The following PCDH9 variants were observed in gnomAD, a reference collection of about 807,000 sequenced individuals.
PCDH9 encodes protocadherin 9.
Under a neutral mutation model 70.6 loss-of-function variants are expected in PCDH9, and 24 were observed. The ratio of observed to expected loss-of-function variants is 0.34; its 90% CI spans 0.25 to 0.48. The LOEUF (loss-of-function observed/expected upper bound fraction) is 0.48. Ranked by LOEUF, PCDH9 falls within the 20% of genes least tolerant of loss-of-function variation. The pLI is 0.99. For synonymous variants in PCDH9, 562 were observed against 558.5 expected, an observed-to-expected ratio of 1.01 and a Z score of -0.09; for missense variants, 1,281 against 1,503.6, an observed-to-expected ratio of 0.85 and a Z score of 2.45.
At chr13:66,380,962 G>A (rs530879522) in intron 4 of PCDH9, among the ~76,000 whole-genome samples, 4 of 152,096 alleles carry the variant, frequency 2.6e-5, no homozygotes, top group South Asian at 2.1e-4. Flanking sequence ...AGTAATACGC[G>A]TGTCAACTTT....
chr13:66,532,932 C>A (rs1960531972), intron 4 of PCDH9, among the ~76,000 whole-genome samples: 2 of 152,056 alleles, frequency 1.3e-5, no homozygotes, highest in South Asian at 4.2e-4. Flanking sequence ...AATGGCTTAA[C>A]CAAGGGTGAG....
chr13:66,494,462 T>C lies in PCDH9; in HGVS notation c.3340+136748A>G, dbSNP rs1019695510. 1.4e-4 allele frequency among the ~76,000 whole-genome samples: 22 copies of C among 152,238 alleles called. 1 individual carries two copies. The East Asian group carries it at 3.5e-3, about 24-fold the overall frequency. On this transcript the variant is annotated intron_variant, in intron 4 of 4. Transcript: ENST00000377865. ...ATTTTGTAAATAAATCATTAAATGA[T>C]TGAAATAGCTGTCTGAAATTTGCCA...
At chr13:66,717,480 A>AAAATATAT (rs1566145314) in intron 3 of PCDH9, among the ~76,000 whole-genome samples, 3 of 44,432 alleles carry the variant, frequency 6.8e-5, no homozygotes, top group African/African-American at 1.8e-4. Flanking sequence ...AAAAAAAAAA[A>AAAATATAT]ATATATATAT....
chr13:66,623,495 T>G (rs2077458087), intron 4 of PCDH9, among the ~76,000 whole-genome samples: 1 of 152,174 alleles, frequency 6.6e-6, no homozygotes. Context: ...CTGGAGTGCC[T>G]GGGCACGATC....
intron 2 of PCDH9, among the ~76,000 whole-genome samples, chr13:67,003,452 T>C (rs2084285357): frequency 6.6e-6 from 1 of 152,222 alleles, no homozygotes; most frequent in Non-Finnish European, 1.5e-5. Flanking sequence ...CACATTGTTT[T>C]AAGGAATTAT....
chr13:66,649,953 C>A (rs1490582258), intron 3 of PCDH9, among the ~76,000 whole-genome samples: 1 of 149,792 alleles, frequency 6.7e-6, no homozygotes, highest in African/African-American at 2.5e-5. Flanking sequence ...CTCATAGTAA[C>A]CTCAAATTAA....
At chr13:67,008,574 G>A (rs558634957) in intron 2 of PCDH9, among the ~76,000 whole-genome samples, 1 of 152,128 alleles carries the variant, frequency 6.6e-6, no homozygotes, top group African/African-American at 2.4e-5. Context: ...ATTCAAAACA[G>A]AATTTTCTAT....
At chr13:66,746,613 G>A (rs914470193) in intron 3 of PCDH9, among the ~76,000 whole-genome samples, 11 of 152,056 alleles carry the variant, frequency 7.2e-5, no homozygotes, top group Admixed American at 7.2e-4. Context: ...TGAGAAAAGT[G>A]AAAATAAGTA....
chr13:66,954,327 T>A (rs1327086181), intron 2 of PCDH9, among the ~76,000 whole-genome samples: 1 of 152,178 alleles, frequency 6.6e-6, no homozygotes, highest in Non-Finnish European at 1.5e-5. Flanking sequence ...ATAAAAACTA[T>A]TTTCTTCACT....
At chr13:66,904,381 T>C (rs899892159) in intron 2 of PCDH9, among the ~76,000 whole-genome samples, 1 of 152,030 alleles carries the variant, frequency 6.6e-6, no homozygotes, top group Non-Finnish European at 1.5e-5. Flanking sequence ...TCCTGTTTTC[T>C]TACTTCTTTT....
chr13:66,766,816 C>A (rs2079724929), intron 3 of PCDH9, among the ~76,000 whole-genome samples: 1 of 151,922 alleles, frequency 6.6e-6, no homozygotes, highest in Non-Finnish European at 1.5e-5. Flanking sequence ...AGCTCAAGTA[C>A]AAATTGATAT....
chr13:66,920,444 C>A (rs1250127416), intron 2 of PCDH9, among the ~76,000 whole-genome samples: 1 of 151,060 alleles, frequency 6.6e-6, no homozygotes, highest in African/African-American at 2.4e-5. Flanking sequence ...TGTCCCTAAA[C>A]AAGTCTTGAA....
At chr13:67,101,472 T>C (rs532601338) in intron 2 of PCDH9, among the ~76,000 whole-genome samples, 2 of 152,318 alleles carry the variant, frequency 1.3e-5, no homozygotes, top group East Asian at 3.9e-4. Flanking sequence ...AAGTAGGATA[T>C]AAATTTCCCT....
At chr13:66,420,384 C>A (rs1957543911) in intron 4 of PCDH9, among the ~76,000 whole-genome samples, 1 of 152,168 alleles carries the variant, frequency 6.6e-6, no homozygotes, top group South Asian at 2.1e-4. Context: ...TGGGGAGACA[C>A]CTCCCAGCAG....
chr13:67,200,514 C>G (rs1927820), intron 2 of PCDH9, among the ~76,000 whole-genome samples: 119,325 of 151,944 alleles, frequency 0.79, 48,127 homozygotes, highest in Middle Eastern at 0.91. Context: ...AACCAAGTCT[C>G]TATATTTATA....
chr13:66,887,697 A>G (rs1233850241), intron 3 of PCDH9, among the ~76,000 whole-genome samples: 5 of 152,210 alleles, frequency 3.3e-5, no homozygotes, highest in African/African-American at 1.2e-4. Flanking sequence ...ATGTTATAGA[A>G]TATTGCTGAG....
Position 67,064,893 on chromosome 13 carries a change from TAGA to T in PCDH9, c.3036+160509_3036+160511del, listed in dbSNP as rs1566400129. ...GTGTGTGTATCTGCCTGTGTGGAAA[TAGA>T]TAGATAGATAGATAGATAGATAGAT... is the stretch of plus-strand genomic sequence containing the variant. On this transcript the variant is annotated intron_variant, in intron 2 of 4. Coordinates refer to ENST00000377865, the MANE Select transcript of PCDH9 (RefSeq NM_203487.3). Among the ~76,000 whole-genome samples, 3 of 67,812 alleles carry T rather than the reference TAGA, an allele frequency of 4.4e-5. No individual in the cohort carries two copies. The South Asian group carries it at 1.7e-3, about 39-fold the overall frequency. The allele number at this position is 67,812 out of a possible 152,430, so 44.5% of individuals were successfully genotyped here.
At chr13:66,781,924 A>G (rs973369286) in intron 3 of PCDH9, among the ~76,000 whole-genome samples, 16 of 152,224 alleles carry the variant, frequency 1.1e-4, no homozygotes, top group Middle Eastern at 3.4e-3. Flanking sequence ...AATCTGCCCC[A>G]AACACCTGTG....
At position 67,050,800 on chromosome 13, in the gene PCDH9, A is replaced by T. The variant is rs568291184; in HGVS notation, c.3037-147195T>A. Among the ~76,000 whole-genome samples the T allele has an allele frequency of 4.6e-5, 7 of 152,338 alleles. No individual in the cohort carries two copies. In the South Asian group the frequency reaches 1.4e-3, roughly 32 times the overall value. Reference sequence around the variant, plus strand: ...TGACAAGCAGGAGTGTATGTCTCACAGCAGATCCTAGAGCATTTACATTCT... The same window carrying T: ...TGACAAGCAGGAGTGTATGTCTCACTGCAGATCCTAGAGCATTTACATTCT... On this transcript the variant is annotated intron_variant, in intron 2 of 4. Coordinates refer to ENST00000377865, the MANE Select transcript of PCDH9 (RefSeq NM_203487.3).
Sources: gnomAD v4.1 joint callset for allele counts (sites outside exome capture counted in the v4.1 genomes callset) on GRCh38, gnomAD v4.1.1 for gene constraint, MANE v1.5 for transcripts, NCBI Gene and HGNC (gene_info 2026-07-23, HGNC 2026-07-21) for gene names.